Variants in UNC79 observed in about 807,000 individuals in gnomAD.
UNC79 encodes unc-79 subunit of NALCN channel complex, also known as protein unc-79 homolog.
Under a neutral mutation model 283.1 loss-of-function variants are expected in UNC79, and 37 were observed. The observed-to-expected ratio is 0.13, with a 90% CI of 0.10 to 0.17. The LOEUF is 0.17. UNC79 is among the 10% of genes least tolerant of loss of function. UNC79 has a pLI of 1.00. For synonymous variants in UNC79, 1,107 were observed against 1,200.2 expected (o/e 0.92, Z 1.61); for missense variants, 2,272 against 3,211.1 (o/e 0.71, Z 7.07).
Position 93,621,773 on chromosome 14 carries a change from T to A in UNC79, c.4540T>A (p.Leu1514Ile). ...GAATGCAGACTCGCTTTTGTTTACATTAGACGAACATCGTAGGAAGTCGTG... is the reference window on the plus strand; with the variant it reads ...GAATGCAGACTCGCTTTTGTTTACAATAGACGAACATCGTAGGAAGTCGTG... The change falls in exon 30 of 49, where the codon TTA (leucine) becomes ATA (isoleucine). Residue 1514 changes from leucine to isoleucine, a missense_variant. Around this residue, in one of 11 missense-constraint regions of UNC79, gnomAD observed 580 missense variants for 632.2 expected, o/e 0.92. Transcript: ENST00000555664. The surrounding 1 kb of genome is among the most constrained non-coding windows in gnomAD (Gnocchi z 4.8). 2 of 1,614,180 alleles carry A rather than the reference T, an allele frequency of 1.2e-6. No homozygotes were observed. The highest frequency in any genetic ancestry group is 1.7e-6 in the Non-Finnish European group (2 of 1,180,018).
chr14:93,422,390 T>C (rs1352649688), intron 1 of UNC79, among the ~76,000 whole-genome samples: 2 of 152,174 alleles, frequency 1.3e-5, no homozygotes, highest in Non-Finnish European at 2.9e-5. Flanking sequence ...TCCAGGTAGC[T>C]GGCTTCAGAG....
chr14:93,531,391 GT>G lies in UNC79; in HGVS notation c.1094-1157del. 6.6e-6 allele frequency among the ~76,000 whole-genome samples: 1 copy of G among 152,278 alleles called. No homozygotes were observed. The highest frequency in any genetic ancestry group is 2.1e-4 in the South Asian group (1 of 4,824). On this transcript the variant is annotated intron_variant, in intron 10 of 48. Coordinates refer to ENST00000555664, the Ensembl canonical transcript of UNC79. The surrounding 1 kb of genome is among the most constrained non-coding windows in gnomAD (Gnocchi z 4.2). ...AACATAGACTATAAATAAGGTGTTA[GT>G]TCATTTTTTGAGTACATACTATTTC...
chr14:93,448,171 CTTTTTT>C (rs57584416), intron 1 of UNC79, among the ~76,000 whole-genome samples: 2 of 131,118 alleles, frequency 1.5e-5, no homozygotes, highest in African/African-American at 2.8e-5. Flanking sequence ...AGACTCGGTT[CTTTTTT>C]TTTTTTTTTT....
At chr14:93,375,342 G>T (rs2139975315) in intron 1 of UNC79, among the ~76,000 whole-genome samples, 1 of 152,276 alleles carries the variant, frequency 6.6e-6, no homozygotes, top group Non-Finnish European at 1.5e-5. Context: ...TGATTGCACT[G>T]CTGCACTCCA....
chr14:93,339,649 C>T (rs954551719), intron 1 of UNC79, among the ~76,000 whole-genome samples: 1 of 152,242 alleles, frequency 6.6e-6, no homozygotes, highest in African/African-American at 2.4e-5. Flanking sequence ...TGGTCAGCAC[C>T]TGGCATTTGC....
intron 5 of UNC79, among the ~76,000 whole-genome samples, chr14:93,489,208 G>A (rs1480811738): frequency 1.3e-5 from 2 of 152,162 alleles, no homozygotes; most frequent in African/African-American, 4.8e-5. Context: ...AAAGTACTGG[G>A]ATTACATGCA....
Position 93,469,348 on chromosome 14 carries a change from C to T in UNC79, c.143+1557C>T, listed in dbSNP as rs75083033. ...CAACTGAGCTGAGTTCATTTTCAAA[C>T]GGAGGCAACATCAACATGTACTGCT... On this transcript the variant is annotated intron_variant, in intron 2 of 48. Transcript: ENST00000555664. Among the ~76,000 whole-genome samples the T allele has an allele frequency of 4.7e-3, 709 of 152,196 alleles. 3 individuals are homozygous for T. Among genetic ancestry groups the T allele is most frequent in the African/African-American group, 0.016 (671 of 41,530 alleles).
intron 24 of UNC79, among the ~76,000 whole-genome samples, chr14:93,600,104 G>A (rs1006734601): frequency 2.4e-4 from 36 of 152,174 alleles, no homozygotes; most frequent in Non-Finnish European, 7.3e-5. Flanking sequence ...GGAGGCTGAG[G>A]CAGGAGAATT....
rs148597130 is a variant in UNC79, at chr14:93,474,071, T to C, written c.144-18T>C. ...TTGTGTCTTTGTTGTCTCTTTTTTT[T>C]CTTTGTCCCCCCAACAGCATTTTGT... is the stretch of plus-strand genomic sequence containing the variant. On this transcript the variant is annotated intron_variant, in intron 2 of 48. Coordinates refer to ENST00000555664, the Ensembl canonical transcript of UNC79. This position sits in a 1 kb window ranked among gnomAD's most constrained non-coding sequence, Gnocchi z 4.1. The C allele has an allele frequency of 4.0e-4, 606 of 1,510,794 alleles. 1 individual carries two copies. The highest frequency in any genetic ancestry group is 1.9e-3 in the Middle Eastern group (11 of 5,840). The allele number at this position is 1,510,794 out of a possible 1,614,324, so 93.6% of individuals were successfully genotyped here. A position where few individuals can be genotyped will look rare whatever the true frequency, so the allele number is the denominator to read the frequency against.
At chr14:93,511,131 A>G (rs1417513987) in intron 7 of UNC79, among the ~76,000 whole-genome samples, 1 of 152,098 alleles carries the variant, frequency 6.6e-6, no homozygotes, top group Non-Finnish European at 1.5e-5. Flanking sequence ...GCACTTTTAG[A>G]CAACCAACTC....
At chr14:93,635,629 G>A (rs1344855855) in intron 31 of UNC79, among the ~76,000 whole-genome samples, 1 of 151,486 alleles carries the variant, frequency 6.6e-6, no homozygotes, top group East Asian at 1.9e-4. Context: ...ATTATTCTTA[G>A]AGAGAGAGAG....
At chr14:93,682,508 C>CTA (rs2073927654) in intron 41 of UNC79, 109 bp from the exon 45 acceptor site, 1 of 928,030 alleles carries the variant, frequency 1.1e-6, no homozygotes, top group South Asian at 1.6e-5. Flanking sequence ...CAAGGCAGAT[C>CTA]GTCATGAAAA....
chr14:93,443,399 G>C (rs1205984845), intron 1 of UNC79, among the ~76,000 whole-genome samples: 1 of 149,376 alleles, frequency 6.7e-6, no homozygotes, highest in Non-Finnish European at 1.5e-5. Context: ...GAATCATTCA[G>C]TGCATACTCT....
exon 1 of UNC79, chr14:93,333,443 G>C (rs1394911466): frequency 2.5e-6 from 1 of 398,496 alleles, no homozygotes; most frequent in African/African-American, 2.1e-5. Flanking sequence ...TCTTTCTCGA[G>C]AACAACTCTT....
At chr14:93,339,345 G>A (rs2053650621) in intron 1 of UNC79, among the ~76,000 whole-genome samples, 1 of 151,936 alleles carries the variant, frequency 6.6e-6, no homozygotes, top group Admixed American at 6.6e-5. Context: ...TGTTGCCCAG[G>A]CTGGAGTGCA....
At chr14:93,636,945 G>A (rs552546104) in intron 31 of UNC79, among the ~76,000 whole-genome samples, 1 of 152,092 alleles carries the variant, frequency 6.6e-6, no homozygotes, top group East Asian at 1.9e-4. Context: ...ACTTTTTTGT[G>A]GGGGCAGGGT....
intron 1 of UNC79, among the ~76,000 whole-genome samples, chr14:93,368,190 T>C (rs967095623): frequency 1.3e-5 from 2 of 152,254 alleles, no homozygotes; most frequent in Non-Finnish European, 2.9e-5. Context: ...ATTATTTTGA[T>C]TAGTTTCATT....
chr14:93,394,935 A>T (rs1429819131), intron 1 of UNC79, among the ~76,000 whole-genome samples: 3 of 151,036 alleles, frequency 2.0e-5, no homozygotes, highest in East Asian at 2.0e-4. Flanking sequence ...TTGGTCTCCA[A>T]CTCCTGGCCT....
chr14:93,347,483 G>C, intron 1 of UNC79: 2 of 1,339,070 alleles, frequency 1.5e-6, no homozygotes, highest in Non-Finnish European at 1.9e-6. Context: ...AGGACACGGC[G>C]TGCAGGCCTC....
Sources: allele counts gnomAD v4.1 joint callset (sites outside exome capture counted in the v4.1 genomes callset), GRCh38; gene constraint gnomAD v4.1.1; regional missense constraint gnomAD v4.1.1; non-coding constraint Gnocchi (gnomAD v3.1); transcripts MANE v1.5; gene names NCBI Gene and HGNC (gene_info 2026-07-23, HGNC 2026-07-21).